Variants in SPHKAP observed in about 807,000 individuals in gnomAD.
SPHKAP encodes SPHK1 interactor, AKAP domain containing, also known as A-kinase anchor protein SPHKAP.
A neutral mutation model predicts 137.5 loss-of-function variants in SPHKAP; 67 were observed. That is an observed-to-expected ratio of 0.49 (90% CI 0.40 to 0.60). The LOEUF is 0.60. Ranked by LOEUF, SPHKAP falls within the 20% of genes least tolerant of loss-of-function variation. SPHKAP has a pLI of 0.00. For synonymous variants in SPHKAP, 813 were observed against 785.3 expected (o/e 1.04, Z -0.59); for missense variants, 2,097 against 2,069.3 (o/e 1.01, Z -0.26).
chr2:228,148,864 G>A (rs1259839659), intron 1 of SPHKAP, among the ~76,000 whole-genome samples: 2 of 152,210 alleles, frequency 1.3e-5, no homozygotes, highest in Non-Finnish European at 2.9e-5. Flanking sequence ...GAAAGATGCA[G>A]ATCTCACCAG....
intron 1 of SPHKAP, among the ~76,000 whole-genome samples, chr2:228,158,282 C>G (rs897683787): frequency 6.7e-6 from 1 of 150,142 alleles, no homozygotes; most frequent in Non-Finnish European, 1.5e-5. Flanking sequence ...TGTGGAAATA[C>G]AATACACATA....
At chr2:228,114,448 T>G (rs560058951) in intron 2 of SPHKAP, among the ~76,000 whole-genome samples, 1 of 152,080 alleles carries the variant, frequency 6.6e-6, no homozygotes, top group African/African-American at 2.4e-5. Flanking sequence ...TCTTGGAGGT[T>G]TGGAGGCAGA....
At position 228,169,550 on chromosome 2, in the gene SPHKAP, G is replaced by T. The variant is rs576051078; in HGVS notation, c.32+12017C>A. On this transcript the variant is annotated intron_variant, in intron 1 of 11. Transcript: ENST00000392056. ...GTTTATTTTAAGCCCACTGAGACCTGTTGCTTAGAAAAATATTTCTTGCAA... is the reference window on the plus strand; with the variant it reads ...GTTTATTTTAAGCCCACTGAGACCTTTTGCTTAGAAAAATATTTCTTGCAA... Among the ~76,000 whole-genome samples, 7 of 152,138 alleles carry T rather than the reference G, an allele frequency of 4.6e-5. No individual in the cohort carries two copies. The South Asian group carries it at 1.5e-3, about 32-fold the overall frequency.
Position 228,181,504 on chromosome 2 carries a change from A to G in SPHKAP, c.32+63T>C. The G allele has an allele frequency of 6.2e-7, 1 of 1,612,534 alleles. No homozygotes were observed. Among genetic ancestry groups the G allele is most frequent in the South Asian group, 1.1e-5 (1 of 91,022 alleles). On this transcript the variant is annotated intron_variant, in intron 1 of 11. Transcript: ENST00000392056. The surrounding 1 kb of genome is among the most constrained non-coding windows in gnomAD (Gnocchi z 4.3). ...GCGCTCTGGGGCAAGTTGGTGAGCG[A>G]CTCACAACGCGGAACGGAGTTTGAT...
At chr2:228,002,905 C>G (rs1693965353) in intron 7 of SPHKAP, among the ~76,000 whole-genome samples, 1 of 152,158 alleles carries the variant, frequency 6.6e-6, no homozygotes, top group South Asian at 2.1e-4. Context: ...TCTGAGGGCT[C>G]TGTTCTGTTC....
At chr2:228,154,283 AG>A (rs2106403574) in intron 1 of SPHKAP, among the ~76,000 whole-genome samples, 1 of 151,872 alleles carries the variant, frequency 6.6e-6, no homozygotes, top group African/African-American at 2.4e-5. Flanking sequence ...ATGAAAAAAA[AG>A]TATGTGAGCC....
intron 1 of SPHKAP, among the ~76,000 whole-genome samples, chr2:228,145,898 C>T (rs1001575648): frequency 6.6e-6 from 1 of 152,128 alleles, no homozygotes; most frequent in African/African-American, 2.4e-5. Flanking sequence ...AATTGGCAAA[C>T]TCGGGACCCC....
At chr2:227,997,114 A>G (rs1217274989) in intron 7 of SPHKAP, among the ~76,000 whole-genome samples, 1 of 152,190 alleles carries the variant, frequency 6.6e-6, no homozygotes, top group Non-Finnish European at 1.5e-5. Context: ...TAAAGTACCT[A>G]AAGCATATTG....
intron 2 of SPHKAP, among the ~76,000 whole-genome samples, chr2:228,122,311 G>A (rs752508651): frequency 2.0e-5 from 3 of 151,904 alleles, no homozygotes; most frequent in Non-Finnish European, 4.4e-5. Context: ...AAAGAAAAAA[G>A]TAACAGCCTG....
At chr2:227,986,336 G>T (rs970867675) in intron 11 of SPHKAP, among the ~76,000 whole-genome samples, 1 of 152,076 alleles carries the variant, frequency 6.6e-6, no homozygotes, top group Non-Finnish European at 1.5e-5. Flanking sequence ...ACCTAACATC[G>T]TATGTTCTCA....
At position 228,109,414 on chromosome 2, in the gene SPHKAP, G is replaced by A. The variant is rs370987770; in HGVS notation, c.139-475C>T. 144 of 973,632 alleles carry A rather than the reference G, an allele frequency of 1.5e-4. No individual in the cohort carries two copies. The African/African-American group carries it at 2.3e-3, about 15-fold the overall frequency. The allele number at this position is 973,632 out of a possible 1,614,324, so 60.3% of individuals were successfully genotyped here. A position where few individuals can be genotyped will look rare whatever the true frequency, so the allele number is the denominator to read the frequency against. ...TTTGAACTAGTGTACAATTTTTCTA[G>A]AACACCTAAGGTACTATGTTAAGTT... On this transcript the variant is annotated intron_variant, in intron 2 of 11. Coordinates refer to ENST00000392056, the MANE Select transcript of SPHKAP (RefSeq NM_001142644.2).
chr2:228,002,279 A>G (rs201880065), intron 7 of SPHKAP, among the ~76,000 whole-genome samples: 3 of 152,090 alleles, frequency 2.0e-5, no homozygotes, highest in East Asian at 1.9e-4. Context: ...CTGTGAGATG[A>G]TATCTCATTG....
intron 2 of SPHKAP, among the ~76,000 whole-genome samples, chr2:228,122,367 A>G (rs1241591711): frequency 2.0e-5 from 3 of 152,194 alleles, no homozygotes; most frequent in Non-Finnish European, 4.4e-5. Context: ...AATGATGCTC[A>G]AGGAACTGAG....
intron 1 of SPHKAP, among the ~76,000 whole-genome samples, chr2:228,134,186 G>T (rs1699359323): frequency 6.8e-6 from 1 of 147,676 alleles, no homozygotes; most frequent in Non-Finnish European, 1.5e-5. Flanking sequence ...GAGGAAGACA[G>T]AAGGAAGGAG....
chr2:228,154,911 C>G (rs1289645209), intron 1 of SPHKAP, among the ~76,000 whole-genome samples: 1 of 151,694 alleles, frequency 6.6e-6, no homozygotes. Context: ...TATTATTTAA[C>G]TCACCCAAGA....
At chr2:228,117,702 T>C (rs1165373058) in intron 2 of SPHKAP, among the ~76,000 whole-genome samples, 2 of 152,108 alleles carry the variant, frequency 1.3e-5, no homozygotes, top group Admixed American at 1.3e-4. Flanking sequence ...CACATGATTG[T>C]GTAACCAGCA....
chr2:227,994,242 C>T, intron 8 of SPHKAP: 1 of 176,586 alleles, frequency 5.7e-6, no homozygotes, highest in Non-Finnish European at 1.1e-5. Flanking sequence ...GAAAGAGCAA[C>T]ACCTGGTACC....
At chr2:227,993,094 A>G (rs1693478442) in intron 9 of SPHKAP, among the ~76,000 whole-genome samples, 1 of 152,124 alleles carries the variant, frequency 6.6e-6, no homozygotes. Context: ...CATCATGACA[A>G]CCATGTAATA....
At chr2:228,150,263 A>G (rs1699890442) in intron 1 of SPHKAP, among the ~76,000 whole-genome samples, 1 of 152,118 alleles carries the variant, frequency 6.6e-6, no homozygotes, top group East Asian at 1.9e-4. Flanking sequence ...ATCATGAATG[A>G]GACTTGCTAT....
Sources: gnomAD v4.1 joint callset for allele counts (sites outside exome capture counted in the v4.1 genomes callset) on GRCh38, gnomAD v4.1.1 for gene constraint, Gnocchi (gnomAD v3.1) non-coding constraint, MANE v1.5 for transcripts, NCBI Gene and HGNC (gene_info 2026-07-23, HGNC 2026-07-21) for gene names.